Variants in CCNY observed in about 807,000 individuals in gnomAD.
CCNY encodes cyclin-Y.
A neutral mutation model predicts 42.8 loss-of-function variants in CCNY; 19 were observed. The ratio of observed to expected loss-of-function variants is 0.44; its 90% CI spans 0.31 to 0.65. The LOEUF is 0.65. Among genes scored for constraint, CCNY ranks in the 30% least tolerant of loss-of-function variants. The probability of loss-of-function intolerance (pLI) is 0.07; values close to 1 mark genes in which losing one functional copy is unlikely to be tolerated. For missense variants in CCNY, 370 were observed against 437.3 expected, an observed-to-expected ratio of 0.85 and a Z score of 1.37; for synonymous variants, 165 against 162.7, an observed-to-expected ratio of 1.01 and a Z score of -0.11.
chr10:35,531,653 A>G (rs1305672020), intron 7 of CCNY, among the ~76,000 whole-genome samples: 1 of 152,248 alleles, frequency 6.6e-6, no homozygotes, highest in African/African-American at 2.4e-5. Context: ...AGCAGATGAA[A>G]CCATAGATGA....
At chr10:35,334,455 A>G (rs946344670), upstream of CCNY, among the ~76,000 whole-genome samples, 5 of 152,156 alleles carry the variant, frequency 3.3e-5, no homozygotes, top group Non-Finnish European at 7.4e-5. Context: ...CCCAAACTCC[A>G]TAGCCCCAGA....
At chr10:35,325,730 A>C (rs1190163439) in intron 3 of CCNY, among the ~76,000 whole-genome samples, 1 of 152,040 alleles carries the variant, frequency 6.6e-6, no homozygotes, top group Admixed American at 6.6e-5. Context: ...CGGCCTCCCA[A>C]AGTGCTGGGA....
chr10:35,282,432 T>A (rs895278000), intron 3 of CCNY, among the ~76,000 whole-genome samples: 1 of 151,852 alleles, frequency 6.6e-6, no homozygotes, highest in Non-Finnish European at 1.5e-5. Flanking sequence ...CAGCCTATTT[T>A]AAAAATCTGA....
At chr10:35,479,835 G>A (rs1045777781) in intron 1 of CCNY, among the ~76,000 whole-genome samples, 1 of 152,024 alleles carries the variant, frequency 6.6e-6, no homozygotes, top group African/African-American at 2.4e-5. Flanking sequence ...TCTACCTCAT[G>A]GTAAACATTG....
intron 1 of CCNY, among the ~76,000 whole-genome samples, chr10:35,481,943 C>CT (rs959860433): frequency 1.3e-5 from 2 of 152,162 alleles, no homozygotes; most frequent in African/African-American, 4.8e-5. Context: ...ATCAAACCCC[C>CT]TTAATAGCTT....
intron 7 of CCNY, among the ~76,000 whole-genome samples, chr10:35,546,344 A>G (rs1045142805): frequency 6.6e-6 from 1 of 152,190 alleles, no homozygotes; most frequent in Non-Finnish European, 1.5e-5. Context: ...CAGCTTTGTG[A>G]TGTGCAGTCA....
intron 3 of CCNY, among the ~76,000 whole-genome samples, chr10:35,511,905 T>C (rs1302398641): frequency 6.6e-6 from 1 of 152,170 alleles, no homozygotes; most frequent in African/African-American, 2.4e-5. Context: ...GTCAGAACCA[T>C]CTAGGCAGGG....
chr10:35,274,762 TC>T (rs1193282199), intron 3 of CCNY, among the ~76,000 whole-genome samples: 1 of 151,892 alleles, frequency 6.6e-6, no homozygotes, highest in East Asian at 1.9e-4. Flanking sequence ...CTGCTTCTCA[TC>T]CTTTTTTTTT....
intron 2 of CCNY, among the ~76,000 whole-genome samples, chr10:35,489,102 C>G (rs1197394398): frequency 6.6e-6 from 1 of 152,116 alleles, no homozygotes; most frequent in African/African-American, 2.4e-5. Flanking sequence ...ACAGTGAAAC[C>G]CTGTCTCTAC....
At chr10:35,406,078 G>A (rs950376294) in intron 1 of CCNY, among the ~76,000 whole-genome samples, 1 of 152,170 alleles carries the variant, frequency 6.6e-6, no homozygotes, top group East Asian at 1.9e-4. Context: ...GAAATACATT[G>A]CTACTTGGCT....
chr10:35,438,798 T>C (rs1033454082), intron 1 of CCNY, among the ~76,000 whole-genome samples: 1 of 152,238 alleles, frequency 6.6e-6, no homozygotes, highest in Non-Finnish European at 1.5e-5. Flanking sequence ...GTTGATTTAT[T>C]TGATTTCCTT....
intron 1 of CCNY, among the ~76,000 whole-genome samples, chr10:35,401,829 C>G (rs556793057): frequency 2.2e-4 from 34 of 152,250 alleles, no homozygotes; most frequent in African/African-American, 7.7e-4. Context: ...TACCAAGAAC[C>G]TTCTTAAGGG....
At chr10:35,491,359 A>G (rs894813635) in intron 2 of CCNY, among the ~76,000 whole-genome samples, 1 of 152,192 alleles carries the variant, frequency 6.6e-6, no homozygotes, top group African/African-American at 2.4e-5. Context: ...GCCCTCAGCA[A>G]TGTCTGCTCA....
intron 9 of CCNY, among the ~76,000 whole-genome samples, chr10:35,567,070 G>A (rs1734486351): frequency 6.6e-6 from 1 of 152,030 alleles, no homozygotes; most frequent in Admixed American, 6.6e-5. Context: ...AGAAAATTAT[G>A]TCCCCCCAAA....
At chr10:35,268,376 T>C (rs974700540) in intron 3 of CCNY, among the ~76,000 whole-genome samples, 2 of 152,188 alleles carry the variant, frequency 1.3e-5, no homozygotes, top group Admixed American at 6.6e-5. Context: ...ACATTCAATC[T>C]TAAGGCTTGA....
At chr10:35,464,096 T>G (rs1381567586) in intron 1 of CCNY, among the ~76,000 whole-genome samples, 1 of 152,152 alleles carries the variant, frequency 6.6e-6, no homozygotes, top group Non-Finnish European at 1.5e-5. Flanking sequence ...TGGATGGGGC[T>G]TAATTGGATT....
chr10:35,538,554 C>G (rs1840932995), intron 7 of CCNY, among the ~76,000 whole-genome samples: 1 of 152,098 alleles, frequency 6.6e-6, no homozygotes, highest in East Asian at 1.9e-4. Context: ...TTTGCATTTC[C>G]CTGAGGATTA....
chr10:35,524,452 T>C (rs531508190), intron 4 of CCNY, among the ~76,000 whole-genome samples: 3 of 152,322 alleles, frequency 2.0e-5, no homozygotes, highest in South Asian at 4.1e-4. Context: ...GCTACTGTCA[T>C]GTTAAGTCAC....
intron 1 of CCNY, among the ~76,000 whole-genome samples, chr10:35,342,865 A>G (rs1028222974): frequency 6.6e-6 from 1 of 152,054 alleles, no homozygotes; most frequent in African/African-American, 2.4e-5. Flanking sequence ...AGCTAATTAG[A>G]GAATGATCCG....
Sources: gnomAD v4.1 joint callset for allele counts (sites outside exome capture counted in the v4.1 genomes callset) on GRCh38, gnomAD v4.1.1 for gene constraint, MANE v1.5 for transcripts, NCBI Gene and HGNC (gene_info 2026-07-23, HGNC 2026-07-21) for gene names.